Variants in OGDHL observed in about 807,000 individuals in gnomAD.
The protein encoded by OGDHL is 2-oxoglutarate dehydrogenase-like, mitochondrial.
In OGDHL, 79 loss-of-function variants were observed where a neutral mutation model predicts 109.6. That is an observed-to-expected ratio of 0.72 (90% CI 0.60 to 0.87). The LOEUF (loss-of-function observed/expected upper bound fraction) is 0.87. Among genes scored for constraint, OGDHL ranks in the 40% least tolerant of loss-of-function variants. OGDHL has a pLI of 0.00. For missense variants in OGDHL, 1,275 were observed against 1,362.2 expected, an observed-to-expected ratio of 0.94 and a Z score of 1.01; for synonymous variants, 528 against 537.2, an observed-to-expected ratio of 0.98 and a Z score of 0.24.
intron 12 of OGDHL, among the ~76,000 whole-genome samples, chr10:49,744,995 A>G (rs150097676): frequency 1.3e-3 from 196 of 152,348 alleles, no homozygotes; most frequent in African/African-American, 4.4e-3. Flanking sequence ...GGCTCTGGAA[A>G]CTTGTAGTCC....
chr10:49,753,660 ATGGG>A (rs1170075951), intron 3 of OGDHL, among the ~76,000 whole-genome samples: 1 of 152,148 alleles, frequency 6.6e-6, no homozygotes, highest in African/African-American at 2.4e-5. Flanking sequence ...GGAGGCTAAG[ATGGG>A]TGGATCACCT....
intron 13 of OGDHL, among the ~76,000 whole-genome samples, chr10:49,744,355 C>T (rs1344300980): frequency 6.6e-6 from 1 of 152,142 alleles, no homozygotes; most frequent in Admixed American, 6.5e-5. Flanking sequence ...CTAACCCTGC[C>T]CCCCAGGGAG....
At chr10:49,745,317 G>T (rs894673877) in intron 12 of OGDHL, 27 bp downstream of exon 12, 2 of 1,610,322 alleles carry the variant, frequency 1.2e-6, no homozygotes, top group African/African-American at 2.7e-5. Context: ...AGTTTGTCTT[G>T]GGCGCCCCTG....
chr10:49,744,854 T>A, intron 12 of OGDHL, 102 bp from the exon 13 acceptor site: 5 of 892,780 alleles, frequency 5.6e-6, no homozygotes, highest in Non-Finnish European at 9.1e-6. Context: ...ACCAAGTTCT[T>A]CTAGAACTCT....
intron 13 of OGDHL, 111 bp from the exon 14 acceptor site, chr10:49,744,233 C>T: frequency 7.3e-7 from 1 of 1,373,108 alleles, no homozygotes; most frequent in Non-Finnish European, 9.8e-7. Context: ...ACTCCACCGG[C>T]ACTCGGACTC....
Position 49,756,910 on chromosome 10 carries a change from C to T in OGDHL, c.241G>A (p.Ala81Thr). 6.2e-7 allele frequency: 1 copy of T among 1,613,764 alleles called. No individual in the cohort carries two copies. Among genetic ancestry groups the T allele is most frequent in the Non-Finnish European group, 8.5e-7 (1 of 1,179,858 alleles). Residue 81 changes from alanine (A) to threonine (T), a missense_variant, in exon 3 of 23, where the codon GCC (alanine) becomes ACC (threonine). Transcript: ENST00000374103. ...CGTGGCTGAGCAGAGCCAGAAAAGG[C>T]TTCCTCGCTGGCTTCCCTGAAGAAG... ...DSFFREASEEAFSGSAQPRPP... is the reference protein window; with the variant it reads ...DSFFREASEETFSGSAQPRPP...
intron 17 of OGDHL, chr10:49,739,257 C>T (rs927378105): frequency 6.2e-6 from 1 of 160,434 alleles, no homozygotes; most frequent in African/African-American, 2.4e-5. Context: ...GACCAGAGAA[C>T]AGGCAGTACT....
rs1843033583 is a variant in OGDHL, at chr10:49,758,266, G to A, written c.204+123C>T. On this transcript the variant is annotated intron_variant, in intron 2 of 22. Coordinates refer to ENST00000374103, the MANE Select transcript of OGDHL (RefSeq NM_018245.3). ...GGCTTTGATGACTGAGGACCTGAGAGGCAAAGAAACCTGCCCAGGATCACA... is the reference window on the plus strand; with the variant it reads ...GGCTTTGATGACTGAGGACCTGAGAAGCAAAGAAACCTGCCCAGGATCACA... 4 of 947,674 alleles carry A rather than the reference G, an allele frequency of 4.2e-6. No homozygotes were observed. In the South Asian group the frequency reaches 6.3e-5, roughly 15 times the overall value. 58.7% of individuals were successfully genotyped at this position (947,674 alleles called of 1,614,324 possible). A position where few individuals can be genotyped will look rare whatever the true frequency, so the allele number is the denominator to read the frequency against.
intron 3 of OGDHL, among the ~76,000 whole-genome samples, chr10:49,754,958 G>A (rs1394701700): frequency 6.6e-6 from 1 of 152,210 alleles, no homozygotes; most frequent in Non-Finnish European, 1.5e-5. Flanking sequence ...TAAAAAGAAA[G>A]CACAGGCTGG....
intron 4 of OGDHL, 122 bp from the exon 5 acceptor site, chr10:49,752,370 A>C: frequency 1.3e-6 from 1 of 784,538 alleles, no homozygotes; most frequent in Non-Finnish European, 2.2e-6. Flanking sequence ...CTCTGGGTCC[A>C]ACCTGGGGAG....
rs1843042279 is a variant in OGDHL at position 49,758,376 on chromosome 10, TG to T, written c.204+12del. On this transcript the variant is annotated intron_variant, in intron 2 of 22. Coordinates refer to ENST00000374103, the MANE Select transcript of OGDHL (RefSeq NM_018245.3). Reference sequence around the variant, plus strand: ...TCCCTTGCGGTGGCCCAGGGTAGGGTGGGGATGCTGACCTTGTGGACACTCT... The same window carrying T: ...TCCCTTGCGGTGGCCCAGGGTAGGGTGGGATGCTGACCTTGTGGACACTCT... 5 of 1,598,778 alleles carry T rather than the reference TG, an allele frequency of 3.1e-6. No individual in the cohort carries two copies. In the African/African-American group the frequency reaches 5.4e-5, roughly 17 times the overall value.
chr10:49,759,259 T>C (rs745840687), intron 1 of OGDHL, among the ~76,000 whole-genome samples: 1 of 151,560 alleles, frequency 6.6e-6, no homozygotes, highest in Admixed American at 6.6e-5. Flanking sequence ...GGCCCAACAA[T>C]AGCCCCACTT....
rs75099896 is a variant in OGDHL at position 49,737,733 on chromosome 10, A to G, written c.2590+53T>C. 2.2e-3 allele frequency: 3,472 copies of G among 1,595,930 alleles called. 63 individuals are homozygous for G. In the African/African-American group the frequency reaches 0.041, roughly 19 times the overall value. ...AAGCCCCAGAAGCAGAAGCCACACAATGGGCCACCGCCCCATTGTGGGCTA... is the reference window on the plus strand; with the variant it reads ...AAGCCCCAGAAGCAGAAGCCACACAGTGGGCCACCGCCCCATTGTGGGCTA... On this transcript the variant is annotated intron_variant, in intron 20 of 22. Coordinates refer to ENST00000374103, the MANE Select transcript of OGDHL (RefSeq NM_018245.3).
intron 3 of OGDHL, among the ~76,000 whole-genome samples, chr10:49,753,333 G>A (rs974603411): frequency 2.0e-5 from 3 of 152,170 alleles, no homozygotes; most frequent in Admixed American, 1.3e-4. Context: ...AGGATAGAGA[G>A]GCAGGGCTAG....
At chr10:49,736,704 G>A (rs1400823463) in intron 20 of OGDHL, among the ~76,000 whole-genome samples, 184 bp from the exon 21 acceptor site, 1 of 152,194 alleles carries the variant, frequency 6.6e-6, no homozygotes, top group Non-Finnish European at 1.5e-5. Context: ...ACCCTGAGCT[G>A]TCATAGGGAG....
At chr10:49,755,455 G>A (rs1392878672) in intron 3 of OGDHL, among the ~76,000 whole-genome samples, 3 of 152,226 alleles carry the variant, frequency 2.0e-5, no homozygotes, top group Non-Finnish European at 4.4e-5. Flanking sequence ...CGGGGGCTAA[G>A]GGGGAAATTG....
intron 11 of OGDHL, 43 bp from the exon 12 acceptor site, chr10:49,745,539 T>A: frequency 6.2e-7 from 1 of 1,608,620 alleles, no homozygotes. Flanking sequence ...CCCTACGCTG[T>A]GTGGTCAATG....
In OGDHL at chr10:49,745,501, A is replaced by G; in HGVS notation, c.1477-5T>C. ...GCCACGCCGGCGGTAACAGACCTGC[A>G]GGAGCAGCCAGAGGGGCTCAGGCCC... On this transcript the variant is annotated splice_region_variant and splice_polypyrimidine_tract_variant and intron_variant, in intron 11 of 22. Coordinates refer to ENST00000374103, the MANE Select transcript of OGDHL (RefSeq NM_018245.3). 6.2e-7 allele frequency: 1 copy of G among 1,613,628 alleles called. No individual in the cohort carries two copies. Among genetic ancestry groups the G allele is most frequent in the Admixed American group, 1.7e-5 (1 of 60,028 alleles).
Position 49,747,069 on chromosome 10 carries a change from T to A in OGDHL, c.1127A>T (p.Lys376Met), listed in dbSNP as rs781725568. The A allele has an allele frequency of 1.9e-6, 3 of 1,614,138 alleles. No homozygotes were observed. Among genetic ancestry groups the A allele is most frequent in the Middle Eastern group, 1.6e-4 (1 of 6,062 alleles). The change falls in exon 9 of 23, where the codon AAG becomes ATG. Residue 376 changes from lysine to methionine, a missense_variant. Coordinates refer to ENST00000374103, the MANE Select transcript of OGDHL (RefSeq NM_018245.3). ...ATCTCCACGGTAGAACTGCTCTGCC[T>A]TTGTCTTCCCCTGCACCACAGGGTC... The part of the protein sequence containing the change: ...AVDPVVQGKT[K>M]AEQFYRGDAQ...
Sources: allele counts gnomAD v4.1 joint callset (sites outside exome capture counted in the v4.1 genomes callset), GRCh38; gene constraint gnomAD v4.1.1; transcripts MANE v1.5; gene names NCBI Gene and HGNC (gene_info 2026-07-23, HGNC 2026-07-21).